The following PLEKHM3 variants were observed in gnomAD, a reference collection of about 807,000 sequenced individuals.
PLEKHM3 encodes the protein pleckstrin homology domain-containing family M member 3.
PLEKHM3 carries 45 observed loss-of-function variants against 81.8 expected under a neutral mutation model. That is an observed-to-expected ratio of 0.55 (90% CI 0.43 to 0.71). The LOEUF is 0.71. Ranked by LOEUF, PLEKHM3 falls within the 30% of genes least tolerant of loss-of-function variation. The pLI, the probability that PLEKHM3 is intolerant of heterozygous loss-of-function variation, is 0.00. For missense variants in PLEKHM3, 788 were observed against 924.3 expected (o/e 0.85, Z 1.91); for synonymous variants, 352 against 356.4 (o/e 0.99, Z 0.14).
At chr2:207,945,823 C>T (rs1053632032) in intron 4 of PLEKHM3, among the ~76,000 whole-genome samples, 24 of 151,768 alleles carry the variant, frequency 1.6e-4, no homozygotes, top group Non-Finnish European at 4.4e-5. Flanking sequence ...ATCACTTGAA[C>T]CCAGGAAGTG....
chr2:208,022,397 CAG>C (rs1488266911), intron 1 of PLEKHM3, among the ~76,000 whole-genome samples: 2 of 152,170 alleles, frequency 1.3e-5, no homozygotes, highest in African/African-American at 4.8e-5. Context: ...GTTTTCTGCT[CAG>C]AGTCTCTCAC....
At chr2:207,956,959 T>C (rs2105989478) in intron 3 of PLEKHM3, among the ~76,000 whole-genome samples, 1 of 151,874 alleles carries the variant, frequency 6.6e-6, no homozygotes, top group East Asian at 1.9e-4. Context: ...TTGACTTGAT[T>C]AGGTGGTGGT....
chr2:208,011,269 C>T (rs774430717), intron 1 of PLEKHM3, among the ~76,000 whole-genome samples: 8 of 151,992 alleles, frequency 5.3e-5, no homozygotes, highest in Non-Finnish European at 1.0e-4. Flanking sequence ...AGTCATTATA[C>T]GAAAAAGACA....
intron 4 of PLEKHM3, among the ~76,000 whole-genome samples, chr2:207,939,075 C>G (rs1164938738): frequency 1.3e-5 from 2 of 152,170 alleles, no homozygotes; most frequent in Non-Finnish European, 2.9e-5. Flanking sequence ...CAATGGATCA[C>G]AGGGCTCGGA....
At chr2:207,908,607 C>T in intron 5 of PLEKHM3, 30 bp from the exon 6 acceptor site, 10 of 1,555,592 alleles carry the variant, frequency 6.4e-6, no homozygotes, top group Non-Finnish European at 8.8e-6. Context: ...GACAAGTGAA[C>T]TGTGGTGCTG....
At chr2:207,997,327 C>G (rs569985475) in intron 2 of PLEKHM3, among the ~76,000 whole-genome samples, 17 of 152,106 alleles carry the variant, frequency 1.1e-4, no homozygotes, top group Admixed American at 6.5e-4. Context: ...AGACAGAAGA[C>G]GCAGAGGCCC....
intron 3 of PLEKHM3, among the ~76,000 whole-genome samples, chr2:207,963,171 T>G (rs1690797591): frequency 6.6e-6 from 1 of 152,154 alleles, no homozygotes; most frequent in African/African-American, 2.4e-5. Context: ...ACATTTACGT[T>G]AGTGGCCTGA....
intron 1 of PLEKHM3, among the ~76,000 whole-genome samples, chr2:208,005,213 C>T (rs1051060901): frequency 2.0e-5 from 3 of 152,210 alleles, no homozygotes; most frequent in Non-Finnish European, 2.9e-5. Flanking sequence ...TAACATCTCA[C>T]ATTAGTATGA....
chr2:207,993,501 C>CTT (rs35352546), intron 2 of PLEKHM3, among the ~76,000 whole-genome samples: 7 of 144,350 alleles, frequency 4.8e-5, no homozygotes, highest in African/African-American at 1.8e-4. Flanking sequence ...CCAAATTTGG[C>CTT]TTTTTTTTTT....
At chr2:207,952,627 T>G (rs1559253478) in intron 3 of PLEKHM3, among the ~76,000 whole-genome samples, 1 of 152,182 alleles carries the variant, frequency 6.6e-6, no homozygotes, top group Non-Finnish European at 1.5e-5. Flanking sequence ...TTGGGCACAG[T>G]GTTTAAAGAA....
At chr2:207,847,876 C>T (rs1373513617) in intron 7 of PLEKHM3, among the ~76,000 whole-genome samples, 1 of 152,178 alleles carries the variant, frequency 6.6e-6, no homozygotes, top group African/African-American at 2.4e-5. Context: ...TTGGGGGAAG[C>T]TACTCCCTCC....
Position 207,825,395 on chromosome 2 carries a change from T to A in PLEKHM3, c.*2924A>T, listed in dbSNP as rs1192478635. 6.6e-6 allele frequency: 1 copy of A among 152,212 alleles called. No homozygotes were observed. Among genetic ancestry groups the A allele is most frequent in the Non-Finnish European group, 1.5e-5 (1 of 68,038 alleles). 9.4% of individuals were successfully genotyped at this position (152,212 alleles called of 1,614,324 possible). On this transcript the variant is annotated 3_prime_UTR_variant, in exon 8 of 8. Coordinates refer to ENST00000427836, the MANE Select transcript of PLEKHM3 (RefSeq NM_001080475.3). ...GAGATTAATTGGCCATTTTTTCATA[T>A]GTTTTATGTGCAAGATATTTAATAT...
At chr2:207,838,435 A>C (rs1480804599) in intron 7 of PLEKHM3, among the ~76,000 whole-genome samples, 2 of 152,240 alleles carry the variant, frequency 1.3e-5, no homozygotes, top group African/African-American at 4.8e-5. Context: ...AGCTTTACTT[A>C]AATCTTGGCT....
intron 3 of PLEKHM3, among the ~76,000 whole-genome samples, chr2:207,959,727 G>A (rs1278799964): frequency 6.6e-6 from 1 of 152,166 alleles, no homozygotes; most frequent in African/African-American, 2.4e-5. Context: ...AATTCTACTT[G>A]AGCCATTTTG....
chr2:207,972,452 T>C (rs1248143733), intron 3 of PLEKHM3, among the ~76,000 whole-genome samples: 2 of 151,922 alleles, frequency 1.3e-5, no homozygotes, highest in East Asian at 3.9e-4. Context: ...CCGGGCCTGG[T>C]GGCACACGCC....
intron 5 of PLEKHM3, among the ~76,000 whole-genome samples, chr2:207,925,177 A>G (rs2105929862): frequency 6.6e-6 from 1 of 151,778 alleles, no homozygotes; most frequent in Non-Finnish European, 1.5e-5. Context: ...GGGCAGGTAA[A>G]AAAATTAGAG....
intron 2 of PLEKHM3, among the ~76,000 whole-genome samples, chr2:207,987,756 A>C (rs1383026100): frequency 6.6e-6 from 1 of 152,090 alleles, no homozygotes; most frequent in Non-Finnish European, 1.5e-5. Flanking sequence ...TTCTTTACAC[A>C]GGCATTTTTC....
Position 207,861,104 on chromosome 2 carries a change from C to T in PLEKHM3, c.2108+1G>A. On this transcript the variant is annotated splice_donor_variant, in intron 7 of 7. Coordinates refer to ENST00000427836, the MANE Select transcript of PLEKHM3 (RefSeq NM_001080475.3). LOFTEE classifies it high-confidence loss of function. ...CTTTTATGAAATAAGATATTCTGTA[C>T]CTGCTTGTTGAAATATCCTCAAAAG... The T allele has an allele frequency of 1.2e-6, 2 of 1,612,480 alleles. No individual in the cohort carries two copies. Among genetic ancestry groups the T allele is most frequent in the South Asian group, 1.1e-5 (1 of 90,530 alleles).
intron 7 of PLEKHM3, among the ~76,000 whole-genome samples, chr2:207,858,134 ATATG>A (rs2092445661): frequency 8.3e-6 from 1 of 120,412 alleles, no homozygotes; most frequent in Non-Finnish European, 1.8e-5. Context: ...TTTCATATAG[ATATG>A]TGTGTGTGTG....
Sources: allele counts gnomAD v4.1 joint callset (sites outside exome capture counted in the v4.1 genomes callset), GRCh38; gene constraint gnomAD v4.1.1; transcripts MANE v1.5; gene names NCBI Gene and HGNC (gene_info 2026-07-23, HGNC 2026-07-21).